PLA2R1: variants seen among roughly 807,000 people sequenced by gnomAD.
PLA2R1 encodes the protein phospholipase A2 receptor 1.
A neutral mutation model predicts 195.9 loss-of-function variants in PLA2R1; 158 were observed. The observed-to-expected ratio is 0.81, with a 90% confidence interval of 0.71 to 0.92. PLA2R1 has a LOEUF of 0.92. Among genes scored for constraint, PLA2R1 ranks in the 40% least tolerant of loss-of-function variants. PLA2R1 has a pLI of 0.00. For missense variants in PLA2R1, 1,626 were observed against 1,764.6 expected (o/e 0.92, Z 1.41); for synonymous variants, 586 against 598.2 (o/e 0.98, Z 0.30).
intron 13 of PLA2R1, among the ~76,000 whole-genome samples, chr2:159,981,645 G>A (rs1166982039): frequency 6.6e-6 from 1 of 152,088 alleles, no homozygotes; most frequent in African/African-American, 2.4e-5. Context: ...CTGGGCTCAA[G>A]CAATCTGCCT....
chr2:159,979,743 T>C lies in PLA2R1; in HGVS notation c.2268+87A>G, dbSNP rs183845830. ...TTGTCATGGGAGCTCTGGCCATCATTTCTAGGTTCTCTTGGTTGGTTTACC... is the reference window on the plus strand; with the variant it reads ...TTGTCATGGGAGCTCTGGCCATCATCTCTAGGTTCTCTTGGTTGGTTTACC... On this transcript the variant is annotated intron_variant, in intron 14 of 29. Transcript: ENST00000283243. The C allele has an allele frequency of 5.8e-6, 4 of 690,226 alleles. No homozygotes were observed. The Admixed American group carries it at 7.6e-5, about 13-fold the overall frequency. 42.8% of individuals were successfully genotyped at this position (690,226 alleles called of 1,614,324 possible). A position where few individuals can be genotyped will look rare whatever the true frequency, so the allele number is the denominator to read the frequency against.
chr2:160,021,928 C>T (rs1222094894), intron 7 of PLA2R1, among the ~76,000 whole-genome samples: 1 of 151,996 alleles, frequency 6.6e-6, no homozygotes, highest in African/African-American at 2.4e-5. Context: ...TGTGTAAGTG[C>T]CCTTGTTGAG....
chr2:160,016,543 AAATTG>A (rs1692778637), intron 9 of PLA2R1, 66 bp downstream of exon 9: 1 of 771,204 alleles, frequency 1.3e-6, no homozygotes, highest in African/African-American at 1.7e-5. Flanking sequence ...AATTCACTTC[AAATTG>A]ATGGTGGAAT....
chr2:159,955,161 T>C (rs1390498606), intron 23 of PLA2R1, 38 bp downstream of exon 23: 1 of 1,530,076 alleles, frequency 6.5e-7, no homozygotes. Flanking sequence ...AGGATGGACT[T>C]TGGAAATGAA....
intron 17 of PLA2R1, among the ~76,000 whole-genome samples, chr2:159,971,155 T>C (rs1234006380): frequency 1.3e-5 from 2 of 152,158 alleles, no homozygotes; most frequent in South Asian, 2.1e-4. Context: ...TTTCAAAATA[T>C]GTACTTTTTA....
At chr2:160,058,029 G>T (rs6707458) in intron 1 of PLA2R1, among the ~76,000 whole-genome samples, 45,912 of 151,890 alleles carry the variant, frequency 0.3, 8,739 homozygotes, top group Non-Finnish European at 0.42. Flanking sequence ...TTGTGAAACT[G>T]AGCCCCAGTG....
At chr2:160,048,838 A>ATTT (rs1205003993) in intron 1 of PLA2R1, among the ~76,000 whole-genome samples, 11 of 127,824 alleles carry the variant, frequency 8.6e-5, no homozygotes, top group South Asian at 2.5e-4. Context: ...TAGAAGAAAC[A>ATTT]TTTTTTTTTT....
At chr2:160,022,029 G>A (rs2105472855) in intron 7 of PLA2R1, among the ~76,000 whole-genome samples, 1 of 152,262 alleles carries the variant, frequency 6.6e-6, no homozygotes, top group Non-Finnish European at 1.5e-5. Context: ...AAACTAAAAT[G>A]TAACAATTGA....
At chr2:159,966,870 T>C (rs1230771042) in intron 20 of PLA2R1, among the ~76,000 whole-genome samples, 4 of 151,942 alleles carry the variant, frequency 2.6e-5, no homozygotes, top group Non-Finnish European at 5.9e-5. Context: ...ATATGAAGAG[T>C]GGAGGGAGAC....
chr2:159,963,759 C>A (rs190395791), intron 20 of PLA2R1, among the ~76,000 whole-genome samples: 6 of 152,176 alleles, frequency 3.9e-5, no homozygotes, highest in Admixed American at 3.9e-4. Flanking sequence ...AAATTGAAAC[C>A]CTCACACACG....
the PLA2R1 span, among the ~76,000 whole-genome samples, chr2:159,925,530 A>C: frequency 1.3e-5 from 2 of 151,280 alleles, no homozygotes; most frequent in African/African-American, 4.8e-5. Context: ...AGCATAATAA[A>C]AACTTTCTTT....
At chr2:160,021,935 T>G (rs1237505001) in intron 7 of PLA2R1, among the ~76,000 whole-genome samples, 3 of 152,174 alleles carry the variant, frequency 2.0e-5, no homozygotes, top group Non-Finnish European at 2.9e-5. Flanking sequence ...GTGCCCTTGT[T>G]GAGATAAGCA....
At chr2:160,010,972 C>A (rs1692320242) in intron 10 of PLA2R1, among the ~76,000 whole-genome samples, 1 of 152,182 alleles carries the variant, frequency 6.6e-6, no homozygotes, top group Non-Finnish European at 1.5e-5. Context: ...CACACCAGCA[C>A]AGGGCAATCT....
rs1457299441 is a variant in PLA2R1 at position 159,940,567 on chromosome 2, T to A, written c.*1211A>T. ...TGCCACCATGCTCAGTACACTTTTT[T>A]CTTGATAAAATTCAATAAACAGTTA... On this transcript the variant is annotated 3_prime_UTR_variant, in exon 30 of 30. Transcript: ENST00000283243. 2.0e-5 allele frequency: 3 copies of A among 152,238 alleles called. No individual in the cohort carries two copies. Among genetic ancestry groups the A allele is most frequent in the Non-Finnish European group, 4.4e-5 (3 of 68,038 alleles). The allele number at this position is 152,238 out of a possible 1,614,324, so 9.4% of individuals were successfully genotyped here. A position where few individuals can be genotyped will look rare whatever the true frequency, so the allele number is the denominator to read the frequency against.
rs1574006889 is a variant in PLA2R1, at chr2:160,062,543, C to A, written c.-140G>T. The stretch of plus-strand genomic sequence containing the variant: ...CTCCGCGCCCCACCCCCTCCGGGGG[C>A]CTTGCCAGCCCAGAGCCCTGGAGAC... On this transcript the variant is annotated 5_prime_UTR_variant, in exon 1 of 30. Transcript: ENST00000283243. 2 of 1,372,322 alleles carry A rather than the reference C, an allele frequency of 1.5e-6. No homozygotes were observed. Among genetic ancestry groups the A allele is most frequent in the East Asian group, 3.0e-5 (1 of 32,858 alleles). 85.0% of individuals were successfully genotyped at this position (1,372,322 alleles called of 1,614,324 possible).
rs1255644943 is a variant in PLA2R1, at chr2:159,936,943, A to G, written c.*4835T>C. ...TAACATAGAAACTTTGTTCATATAA[A>G]TAAGTAGATGGGAATAAAAGGAGGT... On this transcript the variant is annotated 3_prime_UTR_variant, in exon 30 of 30. Transcript: ENST00000283243. 1 of 152,252 alleles carries G rather than the reference A, an allele frequency of 6.6e-6. No homozygotes were observed. Among genetic ancestry groups the G allele is most frequent in the East Asian group, 1.9e-4 (1 of 5,208 alleles). The allele number at this position is 152,252 out of a possible 1,614,324, so 9.4% of individuals were successfully genotyped here. A position where few individuals can be genotyped will look rare whatever the true frequency, so the allele number is the denominator to read the frequency against.
intron 9 of PLA2R1, 95 bp downstream of exon 9, chr2:160,016,519 A>G: frequency 1.4e-6 from 1 of 697,340 alleles, no homozygotes; most frequent in South Asian, 1.7e-5. Context: ...GGAGAGAGAG[A>G]GAGGAGAAAG....
Position 159,937,271 on chromosome 2 carries a change from A to G in PLA2R1, c.*4507T>C, listed in dbSNP as rs868017614. ...ACAGGCATCTTGCTTTACCTGATAT[A>G]CAAATGAAGGCTGGGAAAAGTAAAA... On this transcript the variant is annotated 3_prime_UTR_variant, in exon 30 of 30. Coordinates refer to ENST00000283243, the MANE Select transcript of PLA2R1 (RefSeq NM_007366.5). The G allele has an allele frequency of 1.3e-5, 2 of 152,342 alleles. No individual in the cohort carries two copies. Among genetic ancestry groups the G allele is most frequent in the African/African-American group, 4.8e-5 (2 of 41,582 alleles). 9.4% of individuals were successfully genotyped at this position (152,342 alleles called of 1,614,324 possible).
chr2:160,006,434 C>A (rs1691991895), intron 10 of PLA2R1, among the ~76,000 whole-genome samples: 1 of 152,148 alleles, frequency 6.6e-6, no homozygotes. Flanking sequence ...ATGTGAAAGC[C>A]TAGGAACTAA....
Sources: allele counts gnomAD v4.1 joint callset (sites outside exome capture counted in the v4.1 genomes callset), GRCh38; gene constraint gnomAD v4.1.1; transcripts MANE v1.5; gene names NCBI Gene and HGNC (gene_info 2026-07-23, HGNC 2026-07-21).